MILR1: variants seen among roughly 807,000 people sequenced by gnomAD.
MILR1 encodes the protein allergin-1.
A neutral mutation model predicts 18.5 loss-of-function variants in MILR1; 31 were observed. That is an observed-to-expected ratio of 1.68 (90% CI 1.26 to 2.26). The LOEUF (loss-of-function observed/expected upper bound fraction) is 2.26, where lower values mean the gene tolerates loss of function less well. Among genes scored for constraint, MILR1 ranks in the 30% most tolerant of loss-of-function variants. MILR1 has a pLI of 0.00. For synonymous variants in MILR1, 85 were observed against 56.2 expected (o/e 1.51, Z -2.30); for missense variants, 257 against 157.4 (o/e 1.63, Z -3.38).
intron 4 of MILR1, among the ~76,000 whole-genome samples, chr17:64,458,752 G>T (rs969934318): frequency 6.6e-6 from 1 of 151,990 alleles, no homozygotes; most frequent in East Asian, 2.0e-4. Context: ...CCACTTTTCT[G>T]CTCCACACTC....
chr17:64,477,767 GAACAT>G, the MILR1 span: 1 of 1,477,332 alleles, frequency 6.8e-7, no homozygotes, highest in Admixed American at 2.3e-5. Context: ...AAATCTAAGT[GAACAT>G]AAGACAACCA....
chr17:64,471,536 C>T (rs1206456258), downstream of MILR1, among the ~76,000 whole-genome samples: 2 of 152,176 alleles, frequency 1.3e-5, no homozygotes, highest in African/African-American at 4.8e-5. Flanking sequence ...ACTATCAGTG[C>T]AAAGTGAGTA....
chr17:64,497,035 T>C, the MILR1 span: 10 of 1,490,992 alleles, frequency 6.7e-6, no homozygotes, highest in East Asian at 9.0e-5. Context: ...ACCACTACCG[T>C]TAACAGAATC....
the MILR1 span, chr17:64,491,703 A>T: frequency 9.7e-7 from 1 of 1,025,774 alleles, no homozygotes; most frequent in Non-Finnish European, 1.5e-6. Context: ...CTCGGGGTTT[A>T]CCATGGTGCT....
the MILR1 span, chr17:64,492,884 A>G: frequency 6.2e-7 from 1 of 1,614,030 alleles, no homozygotes; most frequent in Non-Finnish European, 8.5e-7. Flanking sequence ...GTTATTTGCC[A>G]CTTTTTATAC....
chr17:64,496,121 A>G, the MILR1 span, among the ~76,000 whole-genome samples: 1 of 152,248 alleles, frequency 6.6e-6, no homozygotes, highest in African/African-American at 2.4e-5. Flanking sequence ...TTATGCACTT[A>G]GACTACATTG....
At position 64,456,123 on chromosome 17, in the gene MILR1, G is replaced by C. The variant is rs946324191; in HGVS notation, c.368-1277G>C. 1.7e-4 allele frequency among the ~76,000 whole-genome samples: 26 copies of C among 152,168 alleles called. No homozygotes were observed. In the South Asian group the frequency reaches 3.5e-3, roughly 21 times the overall value. ...TCAGTCCCAACTCGGCCATTTACTAGCTGTGTGACCTTGGGCAAATTTCTC... is the reference window on the plus strand; with the variant it reads ...TCAGTCCCAACTCGGCCATTTACTACCTGTGTGACCTTGGGCAAATTTCTC... On this transcript the variant is annotated intron_variant, in intron 3 of 9. Transcript: ENST00000619286.
At chr17:64,472,086 C>A (rs1337051184), downstream of MILR1, among the ~76,000 whole-genome samples, 2 of 152,096 alleles carry the variant, frequency 1.3e-5, no homozygotes, top group Non-Finnish European at 2.9e-5. Flanking sequence ...GTATGACTCA[C>A]AACCCAGAAA....
intron 4 of MILR1, among the ~76,000 whole-genome samples, chr17:64,460,044 ATTTG>A (rs1469395341): frequency 8.6e-6 from 1 of 116,260 alleles, no homozygotes; most frequent in South Asian, 2.6e-4. Flanking sequence ...TTATTTATTT[ATTTG>A]AGATGGAGTC....
chr17:64,489,083 CA>C, the MILR1 span, among the ~76,000 whole-genome samples: 1 of 144,988 alleles, frequency 6.9e-6, no homozygotes, highest in Non-Finnish European at 1.5e-5. Context: ...TGGAGTGCAG[CA>C]GCACAGTCTT....
chr17:64,491,120 A>G, the MILR1 span: 2 of 685,642 alleles, frequency 2.9e-6, no homozygotes, highest in African/African-American at 3.6e-5. Context: ...TTTAAAGTTT[A>G]TTCTAATTTA....
At chr17:64,487,050 C>G in the MILR1 span, 1 of 151,600 alleles carries the variant, frequency 6.6e-6, no homozygotes, top group Non-Finnish European at 1.5e-5. Context: ...TTTAAAAATA[C>G]TTAAATAACC....
chr17:64,483,513 CA>C, the MILR1 span, among the ~76,000 whole-genome samples: 225 of 113,380 alleles, frequency 2.0e-3, no homozygotes, highest in Non-Finnish European at 2.4e-3. Flanking sequence ...GATCCTGTCT[CA>C]AAAAAAAAAA....
the MILR1 span, among the ~76,000 whole-genome samples, chr17:64,474,131 G>A: frequency 6.6e-6 from 1 of 152,156 alleles, no homozygotes; most frequent in East Asian, 1.9e-4. Flanking sequence ...CTGGAGTGCA[G>A]TGGCATGATC....
Position 64,452,638 on chromosome 17 carries a change from A to G in MILR1, c.139A>G (p.Met47Val), listed in dbSNP as rs2037199611. 3 of 440,132 alleles carry G rather than the reference A, an allele frequency of 6.8e-6. No individual in the cohort carries two copies. The highest frequency in any genetic ancestry group is 1.2e-5 in the Non-Finnish European group (3 of 240,542). The allele number at this position is 440,132 out of a possible 1,614,324, so 27.3% of individuals were successfully genotyped here. The change falls in exon 3 of 10, where the codon ATG (methionine) becomes GTG (valine). Residue 47 changes from methionine to valine, a missense_variant. Coordinates refer to ENST00000619286, the MANE Select transcript of MILR1 (RefSeq NM_001085423.2). ...PCLDSKTKVV[M>V]KGQNVSMFCS... ...TTTGGACTCAAAGACTAAGGTGGTT[A>G]TGAAGGGTCAAAATGTATCTATGTT...
intron 5 of MILR1, among the ~76,000 whole-genome samples, chr17:64,463,280 T>C (rs1331779069): frequency 6.6e-6 from 1 of 152,050 alleles, no homozygotes; most frequent in Non-Finnish European, 1.5e-5. Flanking sequence ...AGTGCTGGGA[T>C]TACAGGCATG....
chr17:64,484,708 G>C, the MILR1 span, among the ~76,000 whole-genome samples: 1 of 151,840 alleles, frequency 6.6e-6, no homozygotes, highest in African/African-American at 2.4e-5. Flanking sequence ...TCCTTTTTTT[G>C]TTAGCTACAA....
At chr17:64,481,946 A>C in the MILR1 span, among the ~76,000 whole-genome samples, 1 of 140,088 alleles carries the variant, frequency 7.1e-6, no homozygotes, top group Non-Finnish European at 1.5e-5. Context: ...CATGTGTACA[A>C]ATATTTTAAT....
At chr17:64,473,370 GAA>G (rs1568076810), downstream of MILR1, among the ~76,000 whole-genome samples, 106 of 145,936 alleles carry the variant, frequency 7.3e-4, no homozygotes, top group African/African-American at 2.8e-3. Context: ...AAAAAAAGAA[GAA>G]GTTATCTTTT....
Sources: gnomAD v4.1 joint callset for allele counts (sites outside exome capture counted in the v4.1 genomes callset) on GRCh38, gnomAD v4.1.1 for gene constraint, MANE v1.5 for transcripts, NCBI Gene and HGNC (gene_info 2026-07-23, HGNC 2026-07-21) for gene names.